Variants in ESR1 observed in about 807,000 individuals in gnomAD.
ESR1 encodes estrogen receptor.
Under a neutral mutation model 52.7 loss-of-function variants are expected in ESR1, and 12 were observed. The observed-to-expected ratio is 0.23, with a 90% CI of 0.15 to 0.37. ESR1 has a LOEUF of 0.37. ESR1 is among the 10% of genes least tolerant of loss of function. The pLI is 1.00. For missense variants in ESR1, 584 were observed against 779.7 expected (o/e 0.75, Z 2.99); for synonymous variants, 305 against 316.8 (o/e 0.96, Z 0.39).
intron 2 of ESR1, among the ~76,000 whole-genome samples, chr6:151,717,590 TA>T (rs1198105304): frequency 1.3e-5 from 2 of 152,154 alleles, no homozygotes; most frequent in African/African-American, 2.4e-5. Flanking sequence ...CTTTTTAGCA[TA>T]AAGCTAATCC....
intron 6 of ESR1, among the ~76,000 whole-genome samples, chr6:152,069,746 A>G (rs1241921324): frequency 1.5e-5 from 2 of 136,834 alleles, no homozygotes; most frequent in Non-Finnish European, 3.0e-5. Flanking sequence ...CTGATCTGAC[A>G]GGTGGCAGAG....
intron 3 of ESR1, among the ~76,000 whole-genome samples, chr6:151,924,796 A>G (rs1287721222): frequency 6.6e-6 from 1 of 151,850 alleles, no homozygotes; most frequent in African/African-American, 2.4e-5. Flanking sequence ...TTTTATTTTA[A>G]TGGCTGAATA....
chr6:151,752,301 T>C (rs1783958080), intron 2 of ESR1, among the ~76,000 whole-genome samples: 2 of 152,094 alleles, frequency 1.3e-5, no homozygotes, highest in Admixed American at 6.6e-5. Context: ...TAAAGAAAAA[T>C]TAGCAATGGC....
At chr6:151,740,265 C>G (rs1052949621) in intron 2 of ESR1, among the ~76,000 whole-genome samples, 1 of 149,944 alleles carries the variant, frequency 6.7e-6, no homozygotes. Flanking sequence ...ATTACAGGAG[C>G]GCACCACCAT....
intron 2 of ESR1, among the ~76,000 whole-genome samples, chr6:151,874,215 G>A (rs1195101879): frequency 2.6e-5 from 4 of 152,058 alleles, no homozygotes; most frequent in Non-Finnish European, 5.9e-5. Flanking sequence ...ACCTTTTCCC[G>A]GTTTACATAA....
chr6:151,766,315 A>C (rs942641766), intron 2 of ESR1, among the ~76,000 whole-genome samples: 4 of 152,102 alleles, frequency 2.6e-5, no homozygotes, highest in Admixed American at 6.6e-5. Context: ...TCTGATACTA[A>C]ACTCCAATAA....
chr6:151,992,330 C>T (rs946056740), intron 4 of ESR1, among the ~76,000 whole-genome samples: 5 of 152,110 alleles, frequency 3.3e-5, no homozygotes, highest in Non-Finnish European at 7.3e-5. Context: ...TTCCTCCTGC[C>T]CTCAGCCTCA....
Position 152,100,008 on chromosome 6 carries a change from T to C in ESR1, c.*1042T>C, listed in dbSNP as rs1321924394. The C allele has an allele frequency of 7.5e-6, 3 of 398,638 alleles. No homozygotes were observed. The highest frequency in any genetic ancestry group is 4.1e-5 in the African/African-American group (2 of 48,636). 24.7% of individuals were successfully genotyped at this position (398,638 alleles called of 1,614,324 possible). A position where few individuals can be genotyped will look rare whatever the true frequency, so the allele number is the denominator to read the frequency against. The stretch of plus-strand genomic sequence containing the variant: ...GCTGAACAGTACTTGTGCAGGATTG[T>C]TGTGGCTACTAGAGAACAAGAGGGA... On this transcript the variant is annotated 3_prime_UTR_variant, in exon 8 of 8. Transcript: ENST00000206249.
intron 1 of ESR1, among the ~76,000 whole-genome samples, chr6:151,700,668 CTTTTTTTTTTT>C (rs34905961): frequency 3.1e-4 from 36 of 117,208 alleles, no homozygotes; most frequent in African/African-American, 9.5e-4. Flanking sequence ...TTAAACTTTC[CTTTTTTTTTTT>C]TTTTTTTTTT....
At chr6:151,856,540 C>T (rs540493604) in intron 2 of ESR1, among the ~76,000 whole-genome samples, 6 of 152,266 alleles carry the variant, frequency 3.9e-5, no homozygotes, top group African/African-American at 1.2e-4. Flanking sequence ...TAAAACTGAT[C>T]TCAGAGAAGG....
chr6:152,027,743 T>TTGAACATTTTAG (rs1234577835), intron 5 of ESR1, among the ~76,000 whole-genome samples: 1 of 152,270 alleles, frequency 6.6e-6, no homozygotes, highest in Non-Finnish European at 1.5e-5. Flanking sequence ...TATTAAGATA[T>TTGAACATTTTAG]GTCTCTGCAT....
intron 1 of ESR1, among the ~76,000 whole-genome samples, chr6:151,842,362 T>A (rs1784431289): frequency 6.6e-6 from 1 of 152,204 alleles, no homozygotes; most frequent in Admixed American, 6.5e-5. Flanking sequence ...AGGTAACATA[T>A]TCTGGTGCAG....
intron 6 of ESR1, among the ~76,000 whole-genome samples, chr6:152,123,947 A>G (rs1005864148): frequency 2.0e-5 from 3 of 152,226 alleles, no homozygotes; most frequent in Non-Finnish European, 4.4e-5. Flanking sequence ...GACACCTAAG[A>G]AAATAAATGT....
At position 151,766,891 on chromosome 6, in the gene ESR1, A is replaced by T. The variant is rs144466528; in HGVS notation, c.-70-40952A>T. 1.8e-3 allele frequency among the ~76,000 whole-genome samples: 272 copies of T among 152,364 alleles called. 1 individual carries two copies. Among genetic ancestry groups the T allele is most frequent in the African/African-American group, 6.3e-3 (260 of 41,584 alleles). ...AATTTTTTCATAGACAAGGAAACCT[A>T]GACTTAGAGAAGTACAATACCTGTC... On this transcript the variant is annotated intron_variant, in intron 2 of 2. Transcript: ENST00000404742.
chr6:152,013,678 C>G (rs895430958), intron 5 of ESR1, among the ~76,000 whole-genome samples: 1 of 152,130 alleles, frequency 6.6e-6, no homozygotes, highest in African/African-American at 2.4e-5. Context: ...AGGATTTTAT[C>G]AGCTACAGCC....
chr6:151,716,971 C>T (rs936424303), intron 2 of ESR1, among the ~76,000 whole-genome samples: 1 of 152,150 alleles, frequency 6.6e-6, no homozygotes, highest in African/African-American at 2.4e-5. Flanking sequence ...CATAGGCACC[C>T]AAGGGAGTCT....
intron 6 of ESR1, among the ~76,000 whole-genome samples, chr6:152,085,592 G>A (rs1419384775): frequency 2.0e-5 from 3 of 152,134 alleles, no homozygotes; most frequent in Admixed American, 2.0e-4. Context: ...TTGGCTGTTG[G>A]CTGGGACGTC....
chr6:151,954,580 T>C (rs191471793), intron 4 of ESR1, among the ~76,000 whole-genome samples: 112 of 152,350 alleles, frequency 7.4e-4, no homozygotes, highest in Middle Eastern at 3.4e-3. Context: ...TCTCTGGAGA[T>C]GTTAAGTGTC....
At position 151,721,317 on chromosome 6, in the gene ESR1, GC is replaced by G. The variant is rs371136859; in HGVS notation, c.-71+19313del. Among the ~76,000 whole-genome samples, 281 of 152,284 alleles carry G rather than the reference GC, an allele frequency of 1.8e-3. 1 individual carries two copies. Among genetic ancestry groups the G allele is most frequent in the African/African-American group, 5.9e-3 (247 of 41,548 alleles). Reference sequence around the variant, plus strand: ...TGGTTCATTACGGCTAGAATCCAGGGCTCTCTGGAGAGATTGGGAGTACACA... The same window carrying G: ...TGGTTCATTACGGCTAGAATCCAGGGTCTCTGGAGAGATTGGGAGTACACA... On this transcript the variant is annotated intron_variant, in intron 2 of 2. Coordinates refer to the ESR1 transcript ENST00000404742.
Sources: gnomAD v4.1 joint callset for allele counts (sites outside exome capture counted in the v4.1 genomes callset) on GRCh38, gnomAD v4.1.1 for gene constraint, MANE v1.5 for transcripts, NCBI Gene and HGNC (gene_info 2026-07-23, HGNC 2026-07-21) for gene names.